The following NALF1 variants were observed in gnomAD, a reference collection of about 807,000 sequenced individuals.
NALF1 encodes the protein NALCN channel auxiliary factor 1.
Under a neutral mutation model 48.4 loss-of-function variants are expected in NALF1, and 3 were observed. The observed-to-expected ratio is 0.06, with a 90% CI of 0.03 to 0.16. NALF1 has a LOEUF of 0.16. Among genes scored for constraint, NALF1 ranks in the 10% least tolerant of loss-of-function variants. The probability of loss-of-function intolerance (pLI) is 1.00; values close to 1 mark genes in which losing one functional copy is unlikely to be tolerated. For synonymous variants in NALF1, 262 were observed against 245.7 expected (o/e 1.07, Z -0.62); for missense variants, 526 against 571.5 (o/e 0.92, Z 0.81).
intron 1 of NALF1, among the ~76,000 whole-genome samples, chr13:107,373,567 CT>C (rs1469081360): frequency 6.6e-6 from 1 of 152,140 alleles, no homozygotes; most frequent in African/African-American, 2.4e-5. Context: ...ATGGGTCCAG[CT>C]GTATTCCTAA....
intron 1 of NALF1, among the ~76,000 whole-genome samples, chr13:107,775,366 C>G (rs1877701571): frequency 6.7e-6 from 1 of 149,990 alleles, no homozygotes; most frequent in South Asian, 2.1e-4. Flanking sequence ...TCATCCATGT[C>G]CCTACAAAGG....
At chr13:107,842,554 A>G (rs890657084) in intron 1 of NALF1, among the ~76,000 whole-genome samples, 2 of 151,752 alleles carry the variant, frequency 1.3e-5, no homozygotes, top group African/African-American at 2.4e-5. Context: ...TAGTGTCTCA[A>G]ATTGTAGTGG....
intron 1 of NALF1, among the ~76,000 whole-genome samples, chr13:107,622,471 CA>C (rs59079915): frequency 0.023 from 3,372 of 146,450 alleles, 106 homozygotes; most frequent in African/African-American, 0.08. Flanking sequence ...ACAACAACAA[CA>C]AAAAAAAAAA....
At chr13:107,438,869 T>C (rs1385231436) in intron 1 of NALF1, among the ~76,000 whole-genome samples, 4 of 103,858 alleles carry the variant, frequency 3.9e-5, no homozygotes, top group South Asian at 3.2e-4. Flanking sequence ...ATAAAGGGTG[T>C]CGATGTTTGA....
At chr13:107,283,236 T>C (rs1881423524) in intron 1 of NALF1, among the ~76,000 whole-genome samples, 1 of 152,114 alleles carries the variant, frequency 6.6e-6, no homozygotes, top group Non-Finnish European at 1.5e-5. Flanking sequence ...GGGTTGTAAA[T>C]CACTGGTGAA....
At chr13:107,262,309 G>A (rs1186205748) in intron 1 of NALF1, among the ~76,000 whole-genome samples, 1 of 152,182 alleles carries the variant, frequency 6.6e-6, no homozygotes, top group Non-Finnish European at 1.5e-5. Context: ...CAGCTACTCA[G>A]GAGGCTGAGA....
At chr13:107,538,832 A>G (rs1349955356) in intron 1 of NALF1, among the ~76,000 whole-genome samples, 2 of 152,180 alleles carry the variant, frequency 1.3e-5, no homozygotes, top group Admixed American at 6.6e-5. Flanking sequence ...GATAATATTT[A>G]TAAACGGTCC....
At chr13:107,718,196 G>A (rs1212975185) in intron 1 of NALF1, among the ~76,000 whole-genome samples, 1 of 152,270 alleles carries the variant, frequency 6.6e-6, no homozygotes, top group South Asian at 2.1e-4. Flanking sequence ...CTAGATTTCT[G>A]ACCTTGATGT....
chr13:107,394,513 C>T (rs983462861), intron 1 of NALF1, among the ~76,000 whole-genome samples: 1 of 152,168 alleles, frequency 6.6e-6, no homozygotes, highest in African/African-American at 2.4e-5. Context: ...GGGGCCATCA[C>T]AGGCCTGTGT....
At chr13:107,716,116 A>G (rs1875809126) in intron 1 of NALF1, among the ~76,000 whole-genome samples, 1 of 152,116 alleles carries the variant, frequency 6.6e-6, no homozygotes. Flanking sequence ...CAACATTGAT[A>G]CCTTAGATCC....
chr13:107,207,985 C>A (rs1879679443), intron 2 of NALF1, among the ~76,000 whole-genome samples: 1 of 152,082 alleles, frequency 6.6e-6, no homozygotes, highest in Non-Finnish European at 1.5e-5. Context: ...ACACCTGTAA[C>A]CGATGATGGG....
chr13:107,303,963 C>T (rs2138895788), intron 1 of NALF1, among the ~76,000 whole-genome samples: 1 of 152,242 alleles, frequency 6.6e-6, no homozygotes, highest in South Asian at 2.1e-4. Context: ...ATCTATTTCT[C>T]TGGGTTCAGT....
At chr13:107,268,235 G>T (rs566209415) in intron 1 of NALF1, among the ~76,000 whole-genome samples, 1 of 151,936 alleles carries the variant, frequency 6.6e-6, no homozygotes, top group East Asian at 1.9e-4. Flanking sequence ...TGTTCTGGCC[G>T]CCTCGGCCTC....
chr13:107,174,160 TTC>T (rs1466971293), intron 2 of NALF1, among the ~76,000 whole-genome samples: 3 of 152,068 alleles, frequency 2.0e-5, no homozygotes, highest in Non-Finnish European at 4.4e-5. Context: ...TCCCTCCATT[TTC>T]TCTGTGTTGC....
chr13:107,277,427 C>T (rs893268396), intron 1 of NALF1, among the ~76,000 whole-genome samples: 3 of 152,136 alleles, frequency 2.0e-5, no homozygotes, highest in Non-Finnish European at 2.9e-5. Context: ...AGGCAATTTC[C>T]TCTAAAAACT....
In NALF1 at chr13:107,551,771, C is replaced by A. The variant is rs538665301; in HGVS notation, c.915+313911G>T. 5.1e-4 allele frequency among the ~76,000 whole-genome samples: 78 copies of A among 152,148 alleles called. 2 individuals are homozygous for A. In the South Asian group the frequency reaches 7.9e-3, roughly 15 times the overall value. The stretch of plus-strand genomic sequence containing the variant: ...CTTAAACCTCTCTCCATAATCCTTG[C>A]AGTATTTCTTCTGTTCTACTTATTT... On this transcript the variant is annotated intron_variant, in intron 1 of 2. Coordinates refer to ENST00000375915, the MANE Select transcript of NALF1 (RefSeq NM_001080396.3).
chr13:107,633,036 A>G (rs1372602247), intron 1 of NALF1, among the ~76,000 whole-genome samples: 1 of 152,030 alleles, frequency 6.6e-6, no homozygotes, highest in Non-Finnish European at 1.5e-5. Flanking sequence ...AGAAAGAGAG[A>G]ATAGTTGGTC....
intron 1 of NALF1, among the ~76,000 whole-genome samples, chr13:107,712,070 TC>T (rs1023807172): frequency 2.0e-4 from 30 of 151,996 alleles, no homozygotes; most frequent in African/African-American, 5.8e-4. Context: ...ATCAAATCCT[TC>T]CACACTAAAA....
chr13:107,389,833 C>T (rs11840489), intron 1 of NALF1, among the ~76,000 whole-genome samples: 46,964 of 151,844 alleles, frequency 0.31, 7,605 homozygotes, highest in Middle Eastern at 0.43. Flanking sequence ...GTTTCAAGGA[C>T]GTAAATTTAT....
Sources: gnomAD v4.1 joint callset for allele counts (sites outside exome capture counted in the v4.1 genomes callset) on GRCh38, gnomAD v4.1.1 for gene constraint, MANE v1.5 for transcripts, NCBI Gene and HGNC (gene_info 2026-07-23, HGNC 2026-07-21) for gene names.